SPTLC3: variants seen among roughly 807,000 people sequenced by gnomAD.
The protein encoded by SPTLC3 is serine palmitoyltransferase long chain base subunit 3.
A neutral mutation model predicts 59.3 loss-of-function variants in SPTLC3; 36 were observed. That is an observed-to-expected ratio of 0.61 (90% CI 0.47 to 0.80). SPTLC3 has a LOEUF of 0.80. Ranked by LOEUF, SPTLC3 falls within the 30% of genes least tolerant of loss-of-function variation. SPTLC3 has a pLI of 0.00. For missense variants in SPTLC3, 625 were observed against 685.1 expected (o/e 0.91, Z 0.98); for synonymous variants, 257 against 240.8 (o/e 1.07, Z -0.62).
At chr20:13,091,000 A>T in intron 4 of SPTLC3, 83 bp from the exon 5 acceptor site, 1 of 1,553,606 alleles carries the variant, frequency 6.4e-7, no homozygotes, top group African/African-American at 1.4e-5. Context: ...TCTTTTGGTG[A>T]TGTGTACGTA....
At chr20:13,105,486 TG>T (rs1989837385) in intron 6 of SPTLC3, among the ~76,000 whole-genome samples, 1 of 152,172 alleles carries the variant, frequency 6.6e-6, no homozygotes, top group Non-Finnish European at 1.5e-5. Context: ...TTTCATGTCT[TG>T]CGTGTTATTT....
At chr20:13,123,353 G>C (rs1477350559) in intron 8 of SPTLC3, among the ~76,000 whole-genome samples, 1 of 150,996 alleles carries the variant, frequency 6.6e-6, no homozygotes, top group Admixed American at 6.6e-5. Flanking sequence ...GTCACCAACT[G>C]CATCAGGTAT....
chr20:13,028,070 G>A (rs1986246871), intron 1 of SPTLC3, among the ~76,000 whole-genome samples: 1 of 152,168 alleles, frequency 6.6e-6, no homozygotes, highest in South Asian at 2.1e-4. Context: ...TTTGCCCAAG[G>A]CAGAGGCATT....
intron 6 of SPTLC3, among the ~76,000 whole-genome samples, chr20:13,104,997 C>A (rs1161081663): frequency 6.6e-6 from 1 of 152,062 alleles, no homozygotes; most frequent in Non-Finnish European, 1.5e-5. Flanking sequence ...CCTTAATAAG[C>A]ATCATTATTT....
At chr20:13,105,063 A>G (rs1052374517) in intron 6 of SPTLC3, among the ~76,000 whole-genome samples, 5 of 152,206 alleles carry the variant, frequency 3.3e-5, no homozygotes, top group Non-Finnish European at 7.4e-5. Flanking sequence ...GTAGAATCCC[A>G]TAAGGCCTAC....
At chr20:13,136,627 T>A (rs1336884053) in intron 9 of SPTLC3, among the ~76,000 whole-genome samples, 1 of 144,826 alleles carries the variant, frequency 6.9e-6, no homozygotes, top group East Asian at 2.0e-4. Flanking sequence ...ATAATATACA[T>A]ATAAAAATTA....
chr20:13,014,223 A>G (rs1026212818), intron 1 of SPTLC3, among the ~76,000 whole-genome samples: 6 of 152,236 alleles, frequency 3.9e-5, no homozygotes, highest in Admixed American at 1.3e-4. Context: ...TCACATTGAA[A>G]AAGGTTGTAA....
Position 13,167,767 on chromosome 20 carries a change from A to G in SPTLC3, c.*2900A>G, listed in dbSNP as rs1243203437. Reference sequence around the variant, plus strand: ...GAAGCTGGCTAAAATCCATACCCCTAGGCCCTACACCAGACCTTTACTGAA... The same window carrying G: ...GAAGCTGGCTAAAATCCATACCCCTGGGCCCTACACCAGACCTTTACTGAA... On this transcript the variant is annotated 3_prime_UTR_variant, in exon 12 of 12. Transcript: ENST00000399002. 6.6e-6 allele frequency: 1 copy of G among 152,176 alleles called. No homozygotes were observed. The highest frequency in any genetic ancestry group is 1.9e-4 in the East Asian group (1 of 5,188). 9.4% of individuals were successfully genotyped at this position (152,176 alleles called of 1,614,324 possible). A position where few individuals can be genotyped will look rare whatever the true frequency, so the allele number is the denominator to read the frequency against.
At chr20:13,126,862 G>C in intron 9 of SPTLC3, 145 bp downstream of exon 9, 1 of 1,163,702 alleles carries the variant, frequency 8.6e-7, no homozygotes, top group African/African-American at 1.5e-5. Context: ...CAAAACTGCC[G>C]TTAGCACACC....
chr20:13,084,423 G>A (rs1425538085), intron 4 of SPTLC3, among the ~76,000 whole-genome samples: 1 of 152,186 alleles, frequency 6.6e-6, no homozygotes, highest in Non-Finnish European at 1.5e-5. Flanking sequence ...TTGTGATGAA[G>A]TGTTTCATCT....
At chr20:13,141,170 A>G (rs1297017798) in intron 9 of SPTLC3, among the ~76,000 whole-genome samples, 1 of 152,208 alleles carries the variant, frequency 6.6e-6, no homozygotes, top group East Asian at 1.9e-4. Flanking sequence ...CCTACTGTTT[A>G]TTTTTGACAT....
At chr20:13,077,341 G>A (rs910318845) in intron 4 of SPTLC3, among the ~76,000 whole-genome samples, 6 of 151,338 alleles carry the variant, frequency 4.0e-5, no homozygotes, top group African/African-American at 1.2e-4. Flanking sequence ...AAATGATATA[G>A]AAGACATTAA....
At chr20:13,102,502 T>G (rs949252204) in intron 6 of SPTLC3, among the ~76,000 whole-genome samples, 1 of 152,188 alleles carries the variant, frequency 6.6e-6, no homozygotes, top group African/African-American at 2.4e-5. Flanking sequence ...TCTCCGTTTT[T>G]AAGCATGACA....
At chr20:13,014,474 T>C (rs929178359) in intron 1 of SPTLC3, among the ~76,000 whole-genome samples, 3 of 152,174 alleles carry the variant, frequency 2.0e-5, no homozygotes, top group Non-Finnish European at 4.4e-5. Context: ...ATTATGCCTT[T>C]GGCCAATGAA....
chr20:13,026,687 T>G lies in SPTLC3; in HGVS notation c.117+17303T>G, dbSNP rs138056614. 3.3e-5 allele frequency among the ~76,000 whole-genome samples: 5 copies of G among 152,296 alleles called. 1 individual carries two copies. Among genetic ancestry groups the G allele is most frequent in the African/African-American group, 7.2e-5 (3 of 41,568 alleles). On this transcript the variant is annotated intron_variant, in intron 1 of 11. Transcript: ENST00000399002. ...AAGGTTAGGTGCGAACAAAGTGCAG[T>G]GTTGAAACTCGGATGACCATAGCAG...
chr20:13,040,771 G>T (rs771817373), intron 1 of SPTLC3, among the ~76,000 whole-genome samples: 21 of 151,938 alleles, frequency 1.4e-4, no homozygotes, highest in Non-Finnish European at 2.6e-4. Context: ...TGAAAGGTGG[G>T]TCTGCTATTA....
chr20:13,094,712 G>A (rs981364678), intron 6 of SPTLC3, among the ~76,000 whole-genome samples: 3 of 152,160 alleles, frequency 2.0e-5, no homozygotes, highest in African/African-American at 7.2e-5. Context: ...TGTCTAACTC[G>A]TAGAGTTGTT....
At chr20:13,110,672 A>G (rs191363486) in intron 7 of SPTLC3, among the ~76,000 whole-genome samples, 2 of 152,286 alleles carry the variant, frequency 1.3e-5, no homozygotes, top group African/African-American at 4.8e-5. Context: ...ATTGCCATCA[A>G]TACAAAAGAT....
rs1004714210 is a variant in SPTLC3, at chr20:13,154,283, A to T, written c.1415+145A>T. 4.9e-6 allele frequency: 5 copies of T among 1,027,090 alleles called. No individual in the cohort carries two copies. In the African/African-American group the frequency reaches 6.5e-5, roughly 13 times the overall value. 63.6% of individuals were successfully genotyped at this position (1,027,090 alleles called of 1,614,324 possible). ...TACGGCTTCTCGGAAGCCACCTGTC[A>T]CTCTATCAGCTAGACCCTTCCCACA... is the stretch of plus-strand genomic sequence containing the variant. On this transcript the variant is annotated intron_variant, in intron 10 of 11. Coordinates refer to ENST00000399002, the MANE Select transcript of SPTLC3 (RefSeq NM_018327.4).
Sources: allele counts gnomAD v4.1 joint callset (sites outside exome capture counted in the v4.1 genomes callset), GRCh38; gene constraint gnomAD v4.1.1; transcripts MANE v1.5; gene names NCBI Gene and HGNC (gene_info 2026-07-23, HGNC 2026-07-21).